CPNE7: variants seen among roughly 807,000 people sequenced by gnomAD.
CPNE7 encodes the protein copine 7.
CPNE7 carries 78 observed loss-of-function variants against 66.5 expected under a neutral mutation model. The observed-to-expected ratio is 1.17, with a 90% CI of 0.98 to 1.42. CPNE7 has a LOEUF of 1.42. CPNE7 is among the 40% of genes most tolerant of loss of function. The pLI, the probability that CPNE7 is intolerant of heterozygous loss-of-function variation, is 0.00. For synonymous variants in CPNE7, 468 were observed against 336.7 expected (o/e 1.39, Z -4.27); for missense variants, 1,012 against 776.6 (o/e 1.30, Z -3.60).
At position 89,584,845 on chromosome 16, in the gene CPNE7, G is replaced by A. The variant is rs2151437170; in HGVS notation, c.579G>A (p.Val193=). Residue 193 remains valine, a synonymous_variant, in exon 5 of 15, where the codon GTG becomes GTA. Coordinates refer to ENST00000319518, the MANE Select transcript of CPNE7 (RefSeq NM_153636.3). The surrounding 1 kb of genome is among the most constrained non-coding windows in gnomAD (Gnocchi z 6.0). ...ACGACGACCAGGGCTTGCAGCTGGT[G>A]TACAGGACGGAGGTGAGCGGCCGGG... ...RVNDDQGLQL[V]YRTEVVKNNL... is the part of the protein sequence containing the mutation. 1 of 1,613,406 alleles carries A rather than the reference G, an allele frequency of 6.2e-7. No individual in the cohort carries two copies. The highest frequency in any genetic ancestry group is 8.5e-7 in the Non-Finnish European group (1 of 1,179,868).
chr16:89,579,034 T>C, intron 2 of CPNE7: 1 of 1,494,506 alleles, frequency 6.7e-7, no homozygotes, highest in Non-Finnish European at 9.1e-7. Context: ...CTCACGCCTG[T>C]AATCGCAGCA....
At chr16:89,591,098 G>C (rs747433134) in intron 12 of CPNE7, 29 bp from the exon 13 acceptor site, 2 of 1,613,326 alleles carry the variant, frequency 1.2e-6, no homozygotes, top group Non-Finnish European at 1.7e-6. Flanking sequence ...GAGTGCAGGG[G>C]GGCCGGGCTC....
intron 2 of CPNE7, among the ~76,000 whole-genome samples, chr16:89,579,487 C>T (rs74037226): frequency 0.097 from 14,698 of 151,220 alleles, 960 homozygotes; most frequent in East Asian, 0.4. Flanking sequence ...AACATCCGAT[C>T]ACCCGTCACA....
At chr16:89,576,641 C>T (rs932666171) in intron 1 of CPNE7, among the ~76,000 whole-genome samples, 1 of 152,194 alleles carries the variant, frequency 6.6e-6, no homozygotes, top group African/African-American at 2.4e-5. Flanking sequence ...GCGTGAAACG[C>T]GTGGCTTCAC....
intron 2 of CPNE7, among the ~76,000 whole-genome samples, chr16:89,578,101 G>A (rs1312097031): frequency 7.7e-6 from 1 of 130,622 alleles, no homozygotes; most frequent in Non-Finnish European, 1.6e-5. Flanking sequence ...GTCTCGCTCT[G>A]TCACCCAGGC....
Position 89,596,699 on chromosome 16 carries a change from T to C in CPNE7, c.*78T>C. On this transcript the variant is annotated 3_prime_UTR_variant, in exon 15 of 15. Coordinates refer to ENST00000319518, the MANE Select transcript of CPNE7 (RefSeq NM_153636.3). ...TGTCTGCAACATGCTTGGGGTCCCT[T>C]AAGCTCCCTCCGACCTCCCAGAAGC... The C allele has an allele frequency of 7.1e-7, 1 of 1,416,040 alleles. No homozygotes were observed. The highest frequency in any genetic ancestry group is 9.2e-7 in the Non-Finnish European group (1 of 1,082,334). The allele number at this position is 1,416,040 out of a possible 1,614,324, so 87.7% of individuals were successfully genotyped here.
In CPNE7 at chr16:89,587,086, G is replaced by A. The variant is rs1378272127; in HGVS notation, c.911G>A (p.Cys304Tyr). The part of the protein sequence containing the change: ...YSFLDYIMGG[C>Y]QIHFTVAIDF... ...TTCCTGGACTATATCATGGGCGGCT[G>A]CCAGATCCACTTCACCGTGAGTCCA... Residue 304 changes from cysteine to tyrosine, a missense_variant, in exon 9 of 15, where the codon TGC (cysteine) becomes TAC (tyrosine). Coordinates refer to ENST00000319518, the MANE Select transcript of CPNE7 (RefSeq NM_153636.3). 6.4e-7 allele frequency: 1 copy of A among 1,570,810 alleles called. No homozygotes were observed.
At position 89,575,976 on chromosome 16, in the gene CPNE7, C is replaced by T; in HGVS notation, c.79C>T (p.Arg27Trp). The change falls in exon 1 of 15, where the codon CGG (arginine) becomes TGG (tryptophan). Residue 27 changes from arginine (R) to tryptophan (W), a missense_variant. Arg to Trp is a moderately radical substitution (Grantham distance 101). Transcript: ENST00000319518. ...PAPCASKVEL[R>W]LSCRHLLDRD... ...GCCCTGCGCCTCGAAGGTGGAGCTG[C>T]GGCTCAGCTGCCGGCACCTGCTGGA... 1 of 1,372,200 alleles carries T rather than the reference C, an allele frequency of 7.3e-7. No individual in the cohort carries two copies. The highest frequency in any genetic ancestry group is 3.2e-5 in the Admixed American group (1 of 31,246). 85.0% of individuals were successfully genotyped at this position (1,372,200 alleles called of 1,614,324 possible).
In CPNE7 at chr16:89,596,580, G is replaced by A; in HGVS notation, c.1636G>A (p.Gly546Ser). 1 of 1,608,456 alleles carries A rather than the reference G, an allele frequency of 6.2e-7. No homozygotes were observed. The highest frequency in any genetic ancestry group is 8.5e-7 in the Non-Finnish European group (1 of 1,179,704). ...SHRGLPPRSL[G>S]VPAGEASPGC... Reference sequence around the variant, plus strand: ...CAGAGGCCTGCCCCCGAGAAGCCTGGGTGTCCCTGCCGGAGAGGCCAGCCC... The same window carrying A: ...CAGAGGCCTGCCCCCGAGAAGCCTGAGTGTCCCTGCCGGAGAGGCCAGCCC... Residue 546 changes from glycine (G) to serine (S), a missense_variant, in exon 15 of 15, where the codon GGT (glycine) becomes AGT (serine). By Grantham distance (56) the Gly-to-Ser change is moderately conservative (BLOSUM62 0). Coordinates refer to ENST00000319518, the MANE Select transcript of CPNE7 (RefSeq NM_153636.3).
chr16:89,594,514 T>G (rs2059221874), intron 13 of CPNE7, among the ~76,000 whole-genome samples: 1 of 152,036 alleles, frequency 6.6e-6, no homozygotes, highest in Non-Finnish European at 1.5e-5. Flanking sequence ...TGCTGTGGGC[T>G]CCCGCTCTGC....
intron 2 of CPNE7, among the ~76,000 whole-genome samples, chr16:89,582,245 A>C (rs115942051): frequency 0.015 from 2,298 of 152,266 alleles, 56 homozygotes; most frequent in African/African-American, 0.053. Context: ...CTGACCCCTG[A>C]CTTCTGCCTC....
chr16:89,595,407 C>T lies in CPNE7; in HGVS notation c.1343C>T (p.Thr448Ile). 1 of 1,597,682 alleles carries T rather than the reference C, an allele frequency of 6.3e-7. No homozygotes were observed. The highest frequency in any genetic ancestry group is 8.6e-7 in the Non-Finnish European group (1 of 1,168,950). Residue 448 changes from threonine to isoleucine, a missense_variant, in exon 14 of 15, where the codon ACC becomes ATC. Transcript: ENST00000319518. ...ILLILTDGVVTDMADTREAIV... is the reference protein window; with the variant it reads ...ILLILTDGVVIDMADTREAIV... ...CTGATCCTGACGGACGGCGTGGTGACCGACATGGCCGACACACGGGAGGCC... is the reference window on the plus strand; with the variant it reads ...CTGATCCTGACGGACGGCGTGGTGATCGACATGGCCGACACACGGGAGGCC...
At chr16:89,588,572 T>C (rs2059120847) in intron 9 of CPNE7, 103 bp from the exon 10 acceptor site, 3 of 1,475,800 alleles carry the variant, frequency 2.0e-6, no homozygotes, top group East Asian at 2.3e-5. Flanking sequence ...ACGCGACCCC[T>C]GACCCTGAGT....
At chr16:89,582,593 G>T (rs2058972517) in intron 2 of CPNE7, among the ~76,000 whole-genome samples, 1 of 152,168 alleles carries the variant, frequency 6.6e-6, no homozygotes, top group South Asian at 2.1e-4. Context: ...CAGCACCCAG[G>T]ACCCCTTTGC....
At position 89,596,572 on chromosome 16, in the gene CPNE7, G is replaced by A. The variant is rs777611621; in HGVS notation, c.1628G>A (p.Arg543Lys). The A allele has an allele frequency of 6.8e-6, 11 of 1,608,832 alleles. No homozygotes were observed. The highest frequency in any genetic ancestry group is 4.4e-5 in the South Asian group (4 of 91,058). Reference sequence around the variant, plus strand: ...TACAGCCACAGAGGCCTGCCCCCGAGAAGCCTGGGTGTCCCTGCCGGAGAG... The same window carrying A: ...TACAGCCACAGAGGCCTGCCCCCGAAAAGCCTGGGTGTCCCTGCCGGAGAG... ...EYYSHRGLPP[R>K]SLGVPAGEAS... Residue 543 changes from arginine (R) to lysine (K), a missense_variant, in exon 15 of 15, where the codon AGA becomes AAA. Arg to Lys is a conservative substitution (Grantham distance 26, BLOSUM62 2). Transcript: ENST00000319518.
rs193008300 is a variant in CPNE7, at chr16:89,584,385, C to T, written c.507+283C>T. On this transcript the variant is annotated intron_variant, in intron 4 of 14. Coordinates refer to ENST00000319518, the MANE Select transcript of CPNE7 (RefSeq NM_153636.3). This position sits in a 1 kb window ranked among gnomAD's most constrained non-coding sequence, Gnocchi z 6.0. The stretch of plus-strand genomic sequence containing the variant: ...GATGGGGAAATAGGCCCAGCACCCC[C>T]GAGGCCACTGTCGTGACAGGAGGAA... Among the ~76,000 whole-genome samples, 8 of 152,330 alleles carry T rather than the reference C, an allele frequency of 5.3e-5. No individual in the cohort carries two copies. The highest frequency in any genetic ancestry group is 2.1e-4 in the South Asian group (1 of 4,828).
chr16:89,595,012 G>T (rs963842911), intron 13 of CPNE7, among the ~76,000 whole-genome samples: 5 of 152,088 alleles, frequency 3.3e-5, no homozygotes, highest in African/African-American at 1.2e-4. Flanking sequence ...GGGTGTGTGG[G>T]CTGCAGGTCT....
At chr16:89,585,409 C>CG (rs1567957384) in intron 5 of CPNE7, 55 bp from the exon 6 acceptor site, 3 of 1,287,846 alleles carry the variant, frequency 2.3e-6, no homozygotes, top group Non-Finnish European at 3.3e-6. Flanking sequence ...CTCTATCCCC[C>CG]CCAAGGATCC....
At chr16:89,578,063 T>C (rs2151426048) in intron 2 of CPNE7, among the ~76,000 whole-genome samples, 1 of 109,502 alleles carries the variant, frequency 9.1e-6, no homozygotes, top group Non-Finnish European at 1.9e-5. Context: ...TTTTTTTTCT[T>C]TTTCTTTTTT....
Sources: allele counts gnomAD v4.1 joint callset (sites outside exome capture counted in the v4.1 genomes callset), GRCh38; gene constraint gnomAD v4.1.1; non-coding constraint Gnocchi (gnomAD v3.1); transcripts MANE v1.5; gene names NCBI Gene and HGNC (gene_info 2026-07-23, HGNC 2026-07-21).